Variants in OPCML observed in about 807,000 individuals in gnomAD.
OPCML encodes opioid binding protein/cell adhesion molecule like.
A neutral mutation model predicts 37.8 loss-of-function variants in OPCML; 13 were observed. That is an observed-to-expected ratio of 0.34 (90% CI 0.22 to 0.55). The LOEUF (loss-of-function observed/expected upper bound fraction) is 0.55, where lower values mean the gene tolerates loss of function less well. Ranked by LOEUF, OPCML falls within the 20% of genes least tolerant of loss-of-function variation. OPCML has a pLI of 0.91. For missense variants in OPCML, 341 were observed against 435.6 expected, an observed-to-expected ratio of 0.78 and a Z score of 1.93; for synonymous variants, 176 against 168.8, an observed-to-expected ratio of 1.04 and a Z score of -0.33.
chr11:133,433,339 C>T (rs992207275), intron 1 of OPCML, among the ~76,000 whole-genome samples: 7 of 151,008 alleles, frequency 4.6e-5, no homozygotes, highest in South Asian at 2.1e-4. Context: ...TATTTCTTTG[C>T]GCATAATTAC....
intron 3 of OPCML, among the ~76,000 whole-genome samples, chr11:132,534,099 C>T (rs925414922): frequency 6.6e-6 from 1 of 152,058 alleles, no homozygotes; most frequent in Non-Finnish European, 1.5e-5. Flanking sequence ...TTGCTCTATC[C>T]TCTCCCTGAA....
At chr11:132,902,314 A>C (rs1194250256) in intron 2 of OPCML, among the ~76,000 whole-genome samples, 2 of 152,158 alleles carry the variant, frequency 1.3e-5, no homozygotes, top group African/African-American at 2.4e-5. Context: ...GAGCACAGTT[A>C]ATAGTGCAAT....
intron 4 of OPCML, among the ~76,000 whole-genome samples, chr11:132,516,488 T>C (rs2096280081): frequency 6.6e-6 from 1 of 152,192 alleles, no homozygotes; most frequent in South Asian, 2.1e-4. Flanking sequence ...ATAGTCACTT[T>C]TTGATCGCCT....
At chr11:132,446,182 C>T (rs1592186918) in intron 4 of OPCML, among the ~76,000 whole-genome samples, 2 of 123,212 alleles carry the variant, frequency 1.6e-5, no homozygotes, top group East Asian at 5.1e-4. Context: ...TTTTTAGGAT[C>T]TGGATGATAC....
At chr11:132,554,640 T>C (rs1344876483) in intron 3 of OPCML, among the ~76,000 whole-genome samples, 1 of 152,102 alleles carries the variant, frequency 6.6e-6, no homozygotes, top group African/African-American at 2.4e-5. Flanking sequence ...GTGCCCTGTC[T>C]CCAGTCTACC....
At chr11:133,405,001 A>G (rs1277602212) in intron 1 of OPCML, among the ~76,000 whole-genome samples, 1 of 152,226 alleles carries the variant, frequency 6.6e-6, no homozygotes, top group African/African-American at 2.4e-5. Flanking sequence ...TCCACCCTCC[A>G]AATTAGATTA....
At chr11:133,131,587 AT>A (rs1329177380) in intron 1 of OPCML, among the ~76,000 whole-genome samples, 1 of 152,200 alleles carries the variant, frequency 6.6e-6, no homozygotes, top group Non-Finnish European at 1.5e-5. Flanking sequence ...GATGCAGACA[AT>A]TTTGAAGACA....
chr11:132,573,622 A>G (rs903893925), intron 3 of OPCML, among the ~76,000 whole-genome samples: 1 of 151,886 alleles, frequency 6.6e-6, no homozygotes, highest in African/African-American at 2.4e-5. Flanking sequence ...ATGCTGTCCA[A>G]TTTGGTTTGC....
intron 1 of OPCML, among the ~76,000 whole-genome samples, chr11:133,017,417 A>G (rs1312999852): frequency 6.7e-6 from 1 of 149,036 alleles, no homozygotes; most frequent in African/African-American, 2.5e-5. Flanking sequence ...TTTTTTTTTG[A>G]GATGAAGTCT....
At chr11:133,048,368 C>T (rs548142777) in intron 1 of OPCML, among the ~76,000 whole-genome samples, 1 of 152,122 alleles carries the variant, frequency 6.6e-6, no homozygotes, top group Non-Finnish European at 1.5e-5. Context: ...TCTGATTAAC[C>T]ACTGTGCTGC....
At chr11:132,717,141 G>T (rs996870094) in intron 2 of OPCML, among the ~76,000 whole-genome samples, 2 of 152,140 alleles carry the variant, frequency 1.3e-5, no homozygotes, top group African/African-American at 4.8e-5. Context: ...TGTTGAATTG[G>T]ACTATTGTTC....
chr11:133,192,117 G>A (rs1565495245), intron 1 of OPCML, among the ~76,000 whole-genome samples: 1 of 152,178 alleles, frequency 6.6e-6, no homozygotes, highest in African/African-American at 2.4e-5. Context: ...ATGCACAGAA[G>A]GCCTTTGTGG....
intron 1 of OPCML, among the ~76,000 whole-genome samples, chr11:132,984,719 C>G (rs1419234771): frequency 1.3e-5 from 2 of 152,296 alleles, no homozygotes; most frequent in East Asian, 1.9e-4. Flanking sequence ...GGACCCCAGA[C>G]AGTGAACATC....
intron 1 of OPCML, among the ~76,000 whole-genome samples, chr11:133,530,989 C>A (rs972429802): frequency 6.6e-6 from 1 of 152,080 alleles, no homozygotes; most frequent in East Asian, 1.9e-4. Flanking sequence ...TATAAAAAGG[C>A]AGGTAAGGTT....
intron 1 of OPCML, among the ~76,000 whole-genome samples, chr11:133,153,533 G>C (rs1319732420): frequency 6.6e-6 from 1 of 152,110 alleles, no homozygotes; most frequent in East Asian, 1.9e-4. Context: ...CTCTGCACCC[G>C]GGCCTGCTCA....
At chr11:133,485,418 C>T (rs1218867826) in intron 1 of OPCML, among the ~76,000 whole-genome samples, 1 of 152,128 alleles carries the variant, frequency 6.6e-6, no homozygotes, top group Admixed American at 6.6e-5. Flanking sequence ...CCATGATGAA[C>T]TAACTCTTGC....
At chr11:133,501,929 G>C (rs1259753636) in intron 1 of OPCML, among the ~76,000 whole-genome samples, 1 of 151,676 alleles carries the variant, frequency 6.6e-6, no homozygotes, top group Non-Finnish European at 1.5e-5. Context: ...GCTCATTCCT[G>C]CCTTTCCCTC....
intron 3 of OPCML, among the ~76,000 whole-genome samples, chr11:132,646,111 A>T (rs570326871): frequency 6.6e-6 from 1 of 152,108 alleles, no homozygotes; most frequent in Non-Finnish European, 1.5e-5. Context: ...ATAAAAGACT[A>T]CAAATTGGGC....
At chr11:132,731,710 T>C (rs939742359) in intron 2 of OPCML, among the ~76,000 whole-genome samples, 1 of 152,180 alleles carries the variant, frequency 6.6e-6, no homozygotes, top group African/African-American at 2.4e-5. Flanking sequence ...AATTAGACTG[T>C]TAACGATTTT....
Sources: gnomAD v4.1 joint callset for allele counts (sites outside exome capture counted in the v4.1 genomes callset) on GRCh38, gnomAD v4.1.1 for gene constraint, MANE v1.5 for transcripts, NCBI Gene and HGNC (gene_info 2026-07-23, HGNC 2026-07-21) for gene names.